The following TAFA2 variants were observed in gnomAD, a reference collection of about 807,000 sequenced individuals.
TAFA2 encodes TAFA chemokine like family member 2, also known as chemokine-like protein TAFA-2.
Under a neutral mutation model 18.8 loss-of-function variants are expected in TAFA2, and 7 were observed. That is an observed-to-expected ratio of 0.37 (90% CI 0.21 to 0.70). The LOEUF is 0.70. Among genes scored for constraint, TAFA2 ranks in the 30% least tolerant of loss-of-function variants. The pLI is 0.53. For missense variants in TAFA2, 122 were observed against 158.1 expected, an observed-to-expected ratio of 0.77 and a Z score of 1.23; for synonymous variants, 60 against 54.2, an observed-to-expected ratio of 1.11 and a Z score of -0.47.
intron 2 of TAFA2, among the ~76,000 whole-genome samples, chr12:61,763,333 A>G (rs1869642255): frequency 6.6e-6 from 1 of 152,042 alleles, no homozygotes; most frequent in Non-Finnish European, 1.5e-5. Flanking sequence ...TCAATTTAAC[A>G]GTATGGTCTC....
intron 1 of TAFA2, among the ~76,000 whole-genome samples, chr12:62,058,918 A>C (rs922528973): frequency 6.6e-6 from 1 of 152,154 alleles, no homozygotes; most frequent in East Asian, 1.9e-4. Flanking sequence ...CCTGGCTAAC[A>C]CGGTGAAACC....
chr12:62,235,338 T>C (rs1167811442), intron 1 of TAFA2: 1 of 661,080 alleles, frequency 1.5e-6, no homozygotes, highest in Non-Finnish European at 2.8e-6. Flanking sequence ...GTGAGGAAAG[T>C]GCTGAATGCT....
rs148910477 is a variant in TAFA2, at chr12:61,746,463, T to A, written c.384+7159A>T. ...GTCCTACATTTGCAAACAAACAAAT[T>A]CTAACAATAGCCTGAATGAGCTTGG... On this transcript the variant is annotated intron_variant, in intron 4 of 4. Transcript: ENST00000416284. Among the ~76,000 whole-genome samples the A allele has an allele frequency of 1.9e-3, 286 of 152,142 alleles. 3 individuals are homozygous for A. The highest frequency in any genetic ancestry group is 6.5e-3 in the African/African-American group (269 of 41,536).
chr12:61,987,472 T>C (rs1565706563), intron 1 of TAFA2, among the ~76,000 whole-genome samples: 2 of 152,118 alleles, frequency 1.3e-5, no homozygotes, highest in African/African-American at 4.8e-5. Flanking sequence ...ACAGCCGGAG[T>C]AACATGTACA....
At chr12:61,914,254 C>A (rs924479553) in intron 1 of TAFA2, among the ~76,000 whole-genome samples, 1 of 152,150 alleles carries the variant, frequency 6.6e-6, no homozygotes, top group African/African-American at 2.4e-5. Flanking sequence ...TCACTTACAT[C>A]ATAATTTTTT....
chr12:61,815,479 T>C (rs1198206316), intron 2 of TAFA2, among the ~76,000 whole-genome samples: 1 of 150,868 alleles, frequency 6.6e-6, no homozygotes, highest in Non-Finnish European at 1.5e-5. Flanking sequence ...ATCCTGTGAA[T>C]GGTGAAACCC....
At chr12:61,936,041 G>A (rs1384802901) in intron 1 of TAFA2, among the ~76,000 whole-genome samples, 2 of 151,868 alleles carry the variant, frequency 1.3e-5, no homozygotes, top group Admixed American at 1.3e-4. Context: ...ACCAGGAAAG[G>A]ACATAATGAA....
intron 2 of TAFA2, among the ~76,000 whole-genome samples, chr12:61,813,200 T>C (rs1487722863): frequency 6.6e-6 from 1 of 151,366 alleles, no homozygotes; most frequent in Non-Finnish European, 1.5e-5. Flanking sequence ...TTGACAATTT[T>C]ATGTTCAAAA....
At chr12:61,747,441 G>A (rs1480305496) in intron 4 of TAFA2, among the ~76,000 whole-genome samples, 15 of 145,604 alleles carry the variant, frequency 1.0e-4, no homozygotes, top group Admixed American at 2.8e-4. Flanking sequence ...CATTATTCAC[G>A]ATAGCAAAGA....
chr12:62,095,314 A>G lies in TAFA2; in HGVS notation c.-2+95945T>C, dbSNP rs1321684650. 2.0e-5 allele frequency among the ~76,000 whole-genome samples: 3 copies of G among 152,218 alleles called. No homozygotes were observed. In the East Asian group the frequency reaches 5.8e-4, roughly 29 times the overall value. On this transcript the variant is annotated intron_variant, in intron 1 of 4. Coordinates refer to ENST00000416284, the MANE Select transcript of TAFA2 (RefSeq NM_178539.5). ...CCTGCTGGAGTTAATGTCTTAAGGG[A>G]TAGACAGTCGATTAACAATTAAACA...
chr12:62,240,322 G>A (rs956126013), intron 1 of TAFA2, among the ~76,000 whole-genome samples: 1 of 151,714 alleles, frequency 6.6e-6, no homozygotes, highest in African/African-American at 2.4e-5. Context: ...TGGAGGCTGA[G>A]GCAGGAGAAT....
At chr12:61,849,108 T>C (rs1289695295) in intron 2 of TAFA2, among the ~76,000 whole-genome samples, 1 of 152,138 alleles carries the variant, frequency 6.6e-6, no homozygotes, top group Non-Finnish European at 1.5e-5. Context: ...CCTTCCAGAG[T>C]GCTGGAATTA....
intron 2 of TAFA2, among the ~76,000 whole-genome samples, chr12:61,755,305 C>T (rs769591901): frequency 3.3e-5 from 5 of 152,108 alleles, no homozygotes; most frequent in Non-Finnish European, 7.4e-5. Context: ...GTGCCGTCAT[C>T]AAAAACATTT....
intron 1 of TAFA2, among the ~76,000 whole-genome samples, chr12:62,007,738 T>G (rs556430110): frequency 1.3e-5 from 2 of 152,262 alleles, no homozygotes; most frequent in African/African-American, 4.8e-5. Flanking sequence ...CAATACGGGG[T>G]ACAGTGTGAT....
intron 2 of TAFA2, among the ~76,000 whole-genome samples, chr12:61,804,585 G>C (rs1260575783): frequency 6.6e-6 from 1 of 151,956 alleles, no homozygotes; most frequent in Non-Finnish European, 1.5e-5. Context: ...CAATGATTCT[G>C]GGTGACATGC....
intron 1 of TAFA2, among the ~76,000 whole-genome samples, chr12:62,239,530 G>C (rs2062852323): frequency 6.6e-6 from 1 of 152,164 alleles, no homozygotes; most frequent in Non-Finnish European, 1.5e-5. Context: ...TCAATCAAAA[G>C]AGCAGGGTAG....
chr12:62,143,895 A>T (rs113489957), intron 1 of TAFA2, among the ~76,000 whole-genome samples: 3 of 151,806 alleles, frequency 2.0e-5, no homozygotes, highest in Non-Finnish European at 4.4e-5. Context: ...ATACAAAAAA[A>T]AAATTAGCTG....
At chr12:61,951,405 C>T (rs1878462391) in intron 1 of TAFA2, among the ~76,000 whole-genome samples, 1 of 152,108 alleles carries the variant, frequency 6.6e-6, no homozygotes, top group South Asian at 2.1e-4. Context: ...TGTTTTCTTA[C>T]CCAAAAATCT....
intron 1 of TAFA2, among the ~76,000 whole-genome samples, chr12:62,250,802 TATTA>T (rs2062909571): frequency 6.6e-6 from 1 of 152,308 alleles, no homozygotes; most frequent in Admixed American, 6.5e-5. Flanking sequence ...ACTTCCCTGA[TATTA>T]ATTGAGGTCT....
Sources: allele counts gnomAD v4.1 joint callset (sites outside exome capture counted in the v4.1 genomes callset), GRCh38; gene constraint gnomAD v4.1.1; transcripts MANE v1.5; gene names NCBI Gene and HGNC (gene_info 2026-07-23, HGNC 2026-07-21).